SYT16: variants seen among roughly 807,000 people sequenced by gnomAD.
SYT16 encodes the protein synaptotagmin-16.
In SYT16, 42 loss-of-function variants were observed where a neutral mutation model predicts 61.4. That is an observed-to-expected ratio of 0.68 (90% CI 0.53 to 0.89). The LOEUF (loss-of-function observed/expected upper bound fraction) is 0.89, where lower values mean the gene tolerates loss of function less well. Ranked by LOEUF, SYT16 falls within the 40% of genes least tolerant of loss-of-function variation. The probability of loss-of-function intolerance (pLI) is 0.00; values close to 1 mark genes in which losing one functional copy is unlikely to be tolerated. For synonymous variants in SYT16, 314 were observed against 302.3 expected (o/e 1.04, Z -0.40); for missense variants, 804 against 807.3 (o/e 1.00, Z 0.05).
rs1206343794 is a variant in SYT16, at chr14:62,102,532, T to C, written c.*1825T>C. 6.6e-6 allele frequency: 1 copy of C among 152,214 alleles called. No homozygotes were observed. Among genetic ancestry groups the C allele is most frequent in the Non-Finnish European group, 1.5e-5 (1 of 68,042 alleles). 9.4% of individuals were successfully genotyped at this position (152,214 alleles called of 1,614,324 possible). A position where few individuals can be genotyped will look rare whatever the true frequency, so the allele number is the denominator to read the frequency against. ...CTTTTCCAGCATTATATCCATTAAC[T>C]GCTGAGTGGTCTTTGCAGCGTGGCT... On this transcript the variant is annotated 3_prime_UTR_variant, in exon 8 of 8. Transcript: ENST00000683842.
intron 2 of SYT16, among the ~76,000 whole-genome samples, chr14:61,994,511 G>A (rs888076035): frequency 2.6e-5 from 4 of 152,152 alleles, no homozygotes; most frequent in Non-Finnish European, 5.9e-5. Context: ...AAAGGCTGGA[G>A]ATGTATATTT....
chr14:62,092,149 C>T (rs2057099792), intron 7 of SYT16, among the ~76,000 whole-genome samples: 1 of 149,646 alleles, frequency 6.7e-6, no homozygotes, highest in Non-Finnish European at 1.5e-5. Context: ...GATACCACCT[C>T]ATACCCATTA....
At chr14:61,914,794 C>T (rs2049057639) in intron 1 of SYT16, among the ~76,000 whole-genome samples, 1 of 152,188 alleles carries the variant, frequency 6.6e-6, no homozygotes, top group African/African-American at 2.4e-5. Flanking sequence ...TAAGTAATTT[C>T]CCTTCTTACA....
intron 1 of SYT16, among the ~76,000 whole-genome samples, chr14:61,864,257 G>A (rs1243825301): frequency 6.6e-6 from 1 of 152,260 alleles, no homozygotes; most frequent in Non-Finnish European, 1.5e-5. Context: ...TCCAACGTGA[G>A]GAGGAATTGA....
chr14:62,082,025 T>C (rs1301781748), intron 6 of SYT16, among the ~76,000 whole-genome samples: 1 of 152,182 alleles, frequency 6.6e-6, no homozygotes, highest in Non-Finnish European at 1.5e-5. Flanking sequence ...GGTGGCCAAG[T>C]AGGCAAGGAG....
At chr14:62,015,864 G>A (rs2053652275) in intron 3 of SYT16, among the ~76,000 whole-genome samples, 1 of 152,194 alleles carries the variant, frequency 6.6e-6, no homozygotes, top group Non-Finnish European at 1.5e-5. Context: ...TGTTATAGCA[G>A]CCTGAACGAA....
chr14:61,919,169 C>T (rs1490140476), intron 1 of SYT16, among the ~76,000 whole-genome samples: 4 of 152,134 alleles, frequency 2.6e-5, no homozygotes, highest in African/African-American at 4.8e-5. Context: ...GATAGAAATA[C>T]GTTGCTAGGC....
chr14:61,982,180 C>A (rs563994747), intron 2 of SYT16, among the ~76,000 whole-genome samples: 1 of 152,112 alleles, frequency 6.6e-6, no homozygotes, highest in Non-Finnish European at 1.5e-5. Context: ...TTCTAGGCAG[C>A]CCTCAGTAAA....
chr14:62,011,905 A>ACACACACACACACACG (rs61455578), intron 3 of SYT16, among the ~76,000 whole-genome samples: 1 of 93,254 alleles, frequency 1.1e-5, no homozygotes, highest in African/African-American at 6.6e-5. Context: ...ACACACACAC[A>ACACACACACACACACG]TATATATACA....
intron 1 of SYT16, among the ~76,000 whole-genome samples, chr14:61,934,947 A>C (rs2049918777): frequency 6.6e-6 from 1 of 152,204 alleles, no homozygotes; most frequent in South Asian, 2.1e-4. Flanking sequence ...CAGTTTTGCG[A>C]AAGAGTATTT....
intron 3 of SYT16, among the ~76,000 whole-genome samples, chr14:62,040,787 A>T (rs1447391209): frequency 6.6e-6 from 1 of 152,110 alleles, no homozygotes; most frequent in Non-Finnish European, 1.5e-5. Context: ...AGAAAGTACC[A>T]AGAGGTCCCA....
intron 1 of SYT16, among the ~76,000 whole-genome samples, chr14:61,928,629 C>G (rs139115208): frequency 8.1e-4 from 124 of 152,288 alleles, no homozygotes; most frequent in Admixed American, 1.9e-3. Context: ...CAGAAACAGA[C>G]AGTGGCAATT....
rs992966983 is a variant in SYT16 at position 61,870,367 on chromosome 14, A to G, written c.-325+57557A>G. 2.6e-5 allele frequency among the ~76,000 whole-genome samples: 4 copies of G among 151,424 alleles called. No homozygotes were observed. The East Asian group carries it at 7.7e-4, about 29-fold the overall frequency. Reference sequence around the variant, plus strand: ...TTGCTGTTCCTTTGTATGTAATGTGATATCTTTTTTTTTTCTTGCCTGCTT... The same window carrying G: ...TTGCTGTTCCTTTGTATGTAATGTGGTATCTTTTTTTTTTCTTGCCTGCTT... On this transcript the variant is annotated intron_variant, in intron 1 of 7. Transcript: ENST00000683842.
intron 1 of SYT16, among the ~76,000 whole-genome samples, chr14:61,845,833 G>A (rs2046432504): frequency 1.3e-5 from 2 of 151,920 alleles, no homozygotes; most frequent in Non-Finnish European, 2.9e-5. Flanking sequence ...TCTTAGTATT[G>A]TTTTTGCTGT....
At chr14:61,975,932 G>C (rs2051773511) in intron 2 of SYT16, among the ~76,000 whole-genome samples, 1 of 152,116 alleles carries the variant, frequency 6.6e-6, no homozygotes, top group African/African-American at 2.4e-5. Context: ...TCTTATCTGA[G>C]ACAAGGCAAG....
intron 3 of SYT16, among the ~76,000 whole-genome samples, chr14:62,049,496 T>C (rs951978474): frequency 1.3e-5 from 2 of 152,230 alleles, no homozygotes; most frequent in African/African-American, 4.8e-5. Flanking sequence ...AATATTGTTA[T>C]GTGTGAATTT....
intron 3 of SYT16, among the ~76,000 whole-genome samples, chr14:62,047,573 C>G (rs1426362103): frequency 1.3e-5 from 2 of 152,096 alleles, no homozygotes; most frequent in Admixed American, 1.3e-4. Flanking sequence ...GGGAATGCTT[C>G]CAGTTTTTGT....
chr14:62,077,103 C>T (rs987472997), intron 5 of SYT16, among the ~76,000 whole-genome samples: 2 of 152,212 alleles, frequency 1.3e-5, no homozygotes, highest in Admixed American at 6.5e-5. Flanking sequence ...ATTTATTTGC[C>T]TCTTAGCTGT....
intron 3 of SYT16, among the ~76,000 whole-genome samples, chr14:62,030,025 C>T (rs1314577517): frequency 1.3e-5 from 2 of 152,156 alleles, no homozygotes; most frequent in East Asian, 3.9e-4. Flanking sequence ...CAGATTTTAA[C>T]AGCAGCTGGT....
Sources: allele counts gnomAD v4.1 joint callset (sites outside exome capture counted in the v4.1 genomes callset), GRCh38; gene constraint gnomAD v4.1.1; transcripts MANE v1.5; gene names NCBI Gene and HGNC (gene_info 2026-07-23, HGNC 2026-07-21).